Variants in CDH9 observed in about 807,000 individuals in gnomAD.
CDH9 encodes the protein cadherin-9.
CDH9 carries 28 observed loss-of-function variants against 70.9 expected under a neutral mutation model. That is an observed-to-expected ratio of 0.40 (90% CI 0.29 to 0.54). CDH9 has a LOEUF of 0.54. Among genes scored for constraint, CDH9 ranks in the 20% least tolerant of loss-of-function variants. The probability of loss-of-function intolerance (pLI) is 0.59; values close to 1 mark genes in which losing one functional copy is unlikely to be tolerated. For missense variants in CDH9, 874 were observed against 984.4 expected (o/e 0.89, Z 1.50); for synonymous variants, 409 against 343.1 (o/e 1.19, Z -2.12).
At chr5:26,982,363 T>A (rs748979697) in intron 2 of CDH9, among the ~76,000 whole-genome samples, 8 of 152,074 alleles carry the variant, frequency 5.3e-5, no homozygotes, top group Non-Finnish European at 1.2e-4. Flanking sequence ...ATAATGGAAA[T>A]ATAGGAAAGG....
intron 2 of CDH9, among the ~76,000 whole-genome samples, chr5:26,934,507 T>C (rs1055542741): frequency 3.9e-5 from 6 of 152,062 alleles, no homozygotes; most frequent in Admixed American, 3.9e-4. Context: ...CCTGGGAGAA[T>C]AGCACCAAGT....
chr5:26,937,949 C>A (rs1380295595), intron 2 of CDH9, among the ~76,000 whole-genome samples: 1 of 151,930 alleles, frequency 6.6e-6, no homozygotes, highest in African/African-American at 2.4e-5. Flanking sequence ...CCAACACACA[C>A]AAAAATGAAC....
At chr5:26,908,293 A>T (rs1209573425) in intron 3 of CDH9, among the ~76,000 whole-genome samples, 4 of 151,884 alleles carry the variant, frequency 2.6e-5, no homozygotes, top group African/African-American at 4.8e-5. Context: ...AGTGATTTAC[A>T]TTCCCCCCAC....
At chr5:26,944,667 T>G (rs1429851660) in intron 2 of CDH9, among the ~76,000 whole-genome samples, 3 of 152,044 alleles carry the variant, frequency 2.0e-5, no homozygotes, top group Admixed American at 6.6e-5. Flanking sequence ...AATAGATAAA[T>G]AAATAAAACA....
At chr5:26,981,207 C>T (rs1239914178) in intron 2 of CDH9, among the ~76,000 whole-genome samples, 7 of 151,940 alleles carry the variant, frequency 4.6e-5, no homozygotes, top group African/African-American at 1.4e-4. Flanking sequence ...CATAATCATC[C>T]CTCGGTATCC....
At chr5:26,944,253 T>A (rs980226484) in intron 2 of CDH9, among the ~76,000 whole-genome samples, 6 of 144,730 alleles carry the variant, frequency 4.1e-5, no homozygotes, top group African/African-American at 1.3e-4. Context: ...TTTTTTTTTT[T>A]ACTTTATATC....
chr5:26,988,350 G>T lies in CDH9; in HGVS notation c.-17C>A, dbSNP rs774496224. 6.2e-7 allele frequency: 1 copy of T among 1,603,350 alleles called. No homozygotes were observed. The highest frequency in any genetic ancestry group is 1.1e-5 in the South Asian group (1 of 90,490). ...AGTCCTCATTATCTGCAACTTCAGT[G>T]GGTTGTCAAATTCAATGTATTGTTT... On this transcript the variant is annotated 5_prime_UTR_variant, in exon 2 of 12. Transcript: ENST00000231021.
At chr5:26,967,036 G>A (rs1742141144) in intron 2 of CDH9, among the ~76,000 whole-genome samples, 1 of 152,032 alleles carries the variant, frequency 6.6e-6, no homozygotes. Context: ...AAGCTTAAGC[G>A]ATCCTCTCAC....
intron 2 of CDH9, among the ~76,000 whole-genome samples, chr5:26,932,645 T>C (rs921041087): frequency 6.6e-6 from 1 of 152,122 alleles, no homozygotes; most frequent in Non-Finnish European, 1.5e-5. Flanking sequence ...TATTTGACTT[T>C]ATATTTAAAG....
chr5:26,912,761 C>A (rs893153813), intron 3 of CDH9, among the ~76,000 whole-genome samples: 3 of 152,046 alleles, frequency 2.0e-5, no homozygotes, highest in African/African-American at 7.2e-5. Flanking sequence ...GTCCAGCTAT[C>A]TCTGTGATAT....
At chr5:26,909,022 A>C (rs928510740) in intron 3 of CDH9, among the ~76,000 whole-genome samples, 2 of 152,134 alleles carry the variant, frequency 1.3e-5, no homozygotes, top group Non-Finnish European at 2.9e-5. Context: ...CTCACTCTGT[A>C]GCCCAGGCTG....
intron 2 of CDH9, among the ~76,000 whole-genome samples, chr5:26,959,510 C>T (rs1348300265): frequency 6.6e-6 from 1 of 152,014 alleles, no homozygotes; most frequent in Non-Finnish European, 1.5e-5. Context: ...TTCTTATTTA[C>T]CCCAAATAAT....
intron 9 of CDH9, among the ~76,000 whole-genome samples, chr5:26,889,452 A>G (rs1740618117): frequency 6.6e-6 from 1 of 152,158 alleles, no homozygotes; most frequent in African/African-American, 2.4e-5. Context: ...GATTACCTTT[A>G]TAATAACATG....
intron 2 of CDH9, among the ~76,000 whole-genome samples, chr5:26,959,391 C>T (rs1273328316): frequency 6.6e-6 from 1 of 152,042 alleles, no homozygotes; most frequent in Non-Finnish European, 1.5e-5. Context: ...TTGGAATACT[C>T]ATATATTGCT....
intron 2 of CDH9, among the ~76,000 whole-genome samples, chr5:26,939,284 A>G (rs1741618097): frequency 1.3e-5 from 2 of 151,838 alleles, no homozygotes; most frequent in Admixed American, 1.3e-4. Flanking sequence ...TGTATCAACT[A>G]GTATTGTTAA....
At chr5:26,955,087 T>C (rs2112052893) in intron 2 of CDH9, among the ~76,000 whole-genome samples, 1 of 152,358 alleles carries the variant, frequency 6.6e-6, no homozygotes, top group South Asian at 2.1e-4. Context: ...GTCATCCTAA[T>C]AAGCTGTTAC....
chr5:26,926,308 G>C (rs1741338147), intron 2 of CDH9, among the ~76,000 whole-genome samples: 1 of 148,486 alleles, frequency 6.7e-6, no homozygotes, highest in Non-Finnish European at 1.5e-5. Flanking sequence ...ACAGACAACA[G>C]AGAGACAAAT....
At chr5:26,967,684 C>T (rs186530095) in intron 2 of CDH9, among the ~76,000 whole-genome samples, 1 of 152,092 alleles carries the variant, frequency 6.6e-6, no homozygotes, top group African/African-American at 2.4e-5. Context: ...TACAAACATT[C>T]CTGTGAACAT....
At chr5:26,900,701 G>A (rs1230578338) in intron 7 of CDH9, among the ~76,000 whole-genome samples, 2 of 151,996 alleles carry the variant, frequency 1.3e-5, no homozygotes, top group Non-Finnish European at 2.9e-5. Context: ...ACTGAAACAA[G>A]TTACAATCAA....
Sources: gnomAD v4.1 joint callset for allele counts (sites outside exome capture counted in the v4.1 genomes callset) on GRCh38, gnomAD v4.1.1 for gene constraint, MANE v1.5 for transcripts, NCBI Gene and HGNC (gene_info 2026-07-23, HGNC 2026-07-21) for gene names.